MAP6: variants seen among roughly 807,000 people sequenced by gnomAD.
MAP6 encodes the protein microtubule associated protein 6.
MAP6 carries 26 observed loss-of-function variants against 42.4 expected under a neutral mutation model. The observed-to-expected ratio is 0.61, with a 90% CI of 0.45 to 0.85. The LOEUF (loss-of-function observed/expected upper bound fraction) is 0.85, where lower values mean the gene tolerates loss of function less well. Among genes scored for constraint, MAP6 ranks in the 40% least tolerant of loss-of-function variants. MAP6 has a pLI of 0.00. For missense variants in MAP6, 966 were observed against 1,099.0 expected, an observed-to-expected ratio of 0.88 and a Z score of 1.71; for synonymous variants, 418 against 443.8, an observed-to-expected ratio of 0.94 and a Z score of 0.73.
rs1944002348 is a variant in MAP6, at chr11:75,668,317, T to G, written c.53A>C (p.Gln18Pro). 6.3e-7 allele frequency: 1 copy of G among 1,577,244 alleles called. No individual in the cohort carries two copies. ...RACCIARFWN[Q>P]LDKADIAVPL... ...CACAGCGATGTCCGCTTTGTCCAAC[T>G]GGTTCCAGAAGCGGGCGATGCAGCA... is the stretch of plus-strand genomic sequence containing the variant. Residue 18 changes from glutamine (Q) to proline (P), a missense_variant, in exon 1 of 4, where the codon CAG (glutamine) becomes CCG (proline). Gln to Pro is a moderately conservative substitution (Grantham distance 76). Transcript: ENST00000304771.
chr11:75,664,205 A>G (rs1943905874), intron 1 of MAP6, among the ~76,000 whole-genome samples: 1 of 152,246 alleles, frequency 6.6e-6, no homozygotes, highest in South Asian at 2.1e-4. Context: ...TGTAAAATGA[A>G]TGTATTAAAA....
At chr11:75,628,815 C>A (rs1174322952) in intron 1 of MAP6, among the ~76,000 whole-genome samples, 1 of 152,128 alleles carries the variant, frequency 6.6e-6, no homozygotes, top group Non-Finnish European at 1.5e-5. Flanking sequence ...ATAAAATCAC[C>A]TTGCAATTAT....
chr11:75,655,164 A>C (rs181575747), intron 1 of MAP6, among the ~76,000 whole-genome samples: 254 of 152,332 alleles, frequency 1.7e-3, no homozygotes, highest in African/African-American at 5.9e-3. Context: ...TGCTCTTAAG[A>C]TGTTACATTG....
intron 3 of MAP6, 143 bp downstream of exon 3, chr11:75,605,665 G>C: frequency 2.1e-6 from 3 of 1,446,020 alleles, no homozygotes; most frequent in Non-Finnish European, 2.7e-6. Context: ...CCAAACCAAA[G>C]AGCTCCTGGA....
chr11:75,617,861 T>A (rs1280813730), intron 1 of MAP6, among the ~76,000 whole-genome samples: 1 of 152,078 alleles, frequency 6.6e-6, no homozygotes, highest in Non-Finnish European at 1.5e-5. Context: ...AGTTCTCAGT[T>A]GAGATTGAGG....
chr11:75,593,655 G>C (rs571946017), intron 3 of MAP6, among the ~76,000 whole-genome samples: 1 of 152,368 alleles, frequency 6.6e-6, no homozygotes, highest in East Asian at 1.9e-4. Flanking sequence ...AATTCAGAGA[G>C]TGGGGAGCCT....
In MAP6 at chr11:75,626,384, G is replaced by A. The variant is rs376729346; in HGVS notation, c.906-18062C>T. On this transcript the variant is annotated intron_variant, in intron 1 of 3. Transcript: ENST00000304771. Reference sequence around the variant, plus strand: ...AGGAGGGACCACACACTGGAGCTCAGGCTTGACCCTGGAAGCAGCAGGAGC... The same window carrying A: ...AGGAGGGACCACACACTGGAGCTCAAGCTTGACCCTGGAAGCAGCAGGAGC... Among the ~76,000 whole-genome samples, 8 of 152,308 alleles carry A rather than the reference G, an allele frequency of 5.3e-5. No homozygotes were observed. In the South Asian group the frequency reaches 8.3e-4, roughly 16 times the overall value.
At chr11:75,640,737 T>C (rs1231936870) in intron 1 of MAP6, among the ~76,000 whole-genome samples, 1 of 152,224 alleles carries the variant, frequency 6.6e-6, no homozygotes, top group Non-Finnish European at 1.5e-5. Context: ...GAAAAAATGC[T>C]CATCATCACT....
intron 1 of MAP6, among the ~76,000 whole-genome samples, chr11:75,632,572 A>C (rs1226603160): frequency 1.3e-5 from 2 of 152,150 alleles, no homozygotes; most frequent in Non-Finnish European, 2.9e-5. Context: ...TGATTCTATA[A>C]TCTACTGGCT....
intron 1 of MAP6, among the ~76,000 whole-genome samples, chr11:75,645,083 T>C (rs974553132): frequency 1.1e-4 from 17 of 152,104 alleles, no homozygotes; most frequent in African/African-American, 4.1e-4. Context: ...CAGCATCCAG[T>C]TCATCTCAAG....
chr11:75,629,002 TAA>T (rs1472083922), intron 1 of MAP6, among the ~76,000 whole-genome samples: 1 of 152,156 alleles, frequency 6.6e-6, no homozygotes, highest in Admixed American at 6.5e-5. Flanking sequence ...CTCTGTGAGG[TAA>T]AGAGATCTGC....
chr11:75,667,289 G>A lies in MAP6; in HGVS notation c.905+176C>T, dbSNP rs980712788. Among the ~76,000 whole-genome samples, 4 of 152,212 alleles carry A rather than the reference G, an allele frequency of 2.6e-5. No individual in the cohort carries two copies. The highest frequency in any genetic ancestry group is 5.9e-5 in the Non-Finnish European group (4 of 68,030). ...ATACTAACAGCTTGCGCATGGGACA[G>A]GGCAGAAGAGAAGGCTTCGACAGGA... On this transcript the variant is annotated intron_variant, in intron 1 of 3. Transcript: ENST00000304771. The surrounding 1 kb of genome is among the most constrained non-coding windows in gnomAD (Gnocchi z 5.6).
At chr11:75,645,524 A>T (rs1273262321) in intron 1 of MAP6, among the ~76,000 whole-genome samples, 1 of 152,176 alleles carries the variant, frequency 6.6e-6, no homozygotes, top group Non-Finnish European at 1.5e-5. Flanking sequence ...TCAGGAATGA[A>T]AGCACAATTG....
At chr11:75,598,269 T>C (rs1428629594) in intron 3 of MAP6, among the ~76,000 whole-genome samples, 1 of 152,202 alleles carries the variant, frequency 6.6e-6, no homozygotes, top group Non-Finnish European at 1.5e-5. Flanking sequence ...TAGTAAATAG[T>C]AGAGCTTGGA....
rs760257291 is a variant in MAP6 at position 75,587,763 on chromosome 11, G to A, written c.1738C>T (p.Pro580Ser). ...ACCATGGGACCTTCATCCTTGACAGGTGCTGGGACCATAGGAGCTTGATTC... is the reference window on the plus strand; with the variant it reads ...ACCATGGGACCTTCATCCTTGACAGATGCTGGGACCATAGGAGCTTGATTC... The part of the protein sequence containing the change: ...VKNQAPMVPA[P>S]VKDEGPMVSA... The change falls in exon 4 of 4, where the codon CCT (proline) becomes TCT (serine). Residue 580 changes from proline to serine, a missense_variant. By Grantham distance (74) the Pro-to-Ser change is moderately conservative. Coordinates refer to ENST00000304771, the MANE Select transcript of MAP6 (RefSeq NM_033063.2). 4 of 1,613,328 alleles carry A rather than the reference G, an allele frequency of 2.5e-6. No homozygotes were observed. The highest frequency in any genetic ancestry group is 3.4e-6 in the Non-Finnish European group (4 of 1,179,356).
chr11:75,632,113 G>A (rs1372921605), intron 1 of MAP6, among the ~76,000 whole-genome samples: 2 of 152,136 alleles, frequency 1.3e-5, no homozygotes, highest in African/African-American at 4.8e-5. Flanking sequence ...GACATTAGAG[G>A]CAAGTTACTT....
intron 3 of MAP6, chr11:75,604,536 C>T (rs1942722504): frequency 3.7e-5 from 36 of 985,272 alleles, no homozygotes; most frequent in Non-Finnish European, 4.0e-5. Context: ...GCAATATACA[C>T]GTCATATTGG....
At chr11:75,665,560 C>A (rs898609280) in intron 1 of MAP6, among the ~76,000 whole-genome samples, 4 of 152,136 alleles carry the variant, frequency 2.6e-5, no homozygotes, top group African/African-American at 9.7e-5. Flanking sequence ...GAGGCCAAGC[C>A]AGTAATCTAT....
At position 75,587,774 on chromosome 11, in the gene MAP6, A is replaced by G. The variant is rs770588452; in HGVS notation, c.1727T>C (p.Met576Thr). ...IPEPVKNQAP[M>T]VPAPVKDEGP... Reference sequence around the variant, plus strand: ...TTCATCCTTGACAGGTGCTGGGACCATAGGAGCTTGATTCTTCACAGGCTC... The same window carrying G: ...TTCATCCTTGACAGGTGCTGGGACCGTAGGAGCTTGATTCTTCACAGGCTC... Residue 576 changes from methionine (M) to threonine (T), a missense_variant, in exon 4 of 4, where the codon ATG becomes ACG. Met to Thr is a moderately conservative substitution (Grantham distance 81, BLOSUM62 -1). Transcript: ENST00000304771. 1.9e-6 allele frequency: 3 copies of G among 1,613,518 alleles called. No individual in the cohort carries two copies. Among genetic ancestry groups the G allele is most frequent in the South Asian group, 1.1e-5 (1 of 91,056 alleles).
Sources: gnomAD v4.1 joint callset for allele counts (sites outside exome capture counted in the v4.1 genomes callset) on GRCh38, gnomAD v4.1.1 for gene constraint, Gnocchi (gnomAD v3.1) non-coding constraint, MANE v1.5 for transcripts, NCBI Gene and HGNC (gene_info 2026-07-23, HGNC 2026-07-21) for gene names.